Variants in MFSD2B observed in about 807,000 individuals in gnomAD.
MFSD2B encodes sphingosine-1-phosphate transporter MFSD2B.
A neutral mutation model predicts 58.4 loss-of-function variants in MFSD2B; 56 were observed. That is an observed-to-expected ratio of 0.96 (90% CI 0.77 to 1.20). MFSD2B has a LOEUF of 1.20. Ranked by LOEUF, MFSD2B falls within the 50% of genes most tolerant of loss-of-function variation. The pLI is 0.00. For synonymous variants in MFSD2B, 287 were observed against 294.4 expected, an observed-to-expected ratio of 0.97 and a Z score of 0.26; for missense variants, 645 against 667.6, an observed-to-expected ratio of 0.97 and a Z score of 0.37.
Position 24,022,530 on chromosome 2 carries a change from G to A in MFSD2B, c.978+14G>A. ...CTAACTGTCCTGGTGAGGGGGCCTG[G>A]GGTGGTGGAGGCTAGGTCACTTGGG... On this transcript the variant is annotated intron_variant, in intron 9 of 13. Transcript: ENST00000338315. This position sits in a 1 kb window ranked among gnomAD's most constrained non-coding sequence, Gnocchi z 4.5. 4 of 1,606,224 alleles carry A rather than the reference G, an allele frequency of 2.5e-6. No individual in the cohort carries two copies. The South Asian group carries it at 4.5e-5, about 18-fold the overall frequency.
intron 2 of MFSD2B, among the ~76,000 whole-genome samples, chr2:24,014,495 C>G (rs1709070914): frequency 6.6e-6 from 1 of 152,178 alleles, no homozygotes; most frequent in Admixed American, 6.5e-5. Context: ...CAGAAGTCAA[C>G]AGACTACACT....
chr2:24,023,073 G>A lies in MFSD2B; in HGVS notation c.1060-57G>A. On this transcript the variant is annotated intron_variant, in intron 10 of 13. Coordinates refer to ENST00000338315, the MANE Select transcript of MFSD2B (RefSeq NM_001346880.2). This position sits in a 1 kb window ranked among gnomAD's most constrained non-coding sequence, Gnocchi z 5.0. ...GGTCGTCAGTCGAGTCGTGTGTGAA[G>A]GAGCAGGCCCCACGAAGAAGCAGGT... 1 of 1,472,386 alleles carries A rather than the reference G, an allele frequency of 6.8e-7. No individual in the cohort carries two copies. Among genetic ancestry groups the A allele is most frequent in the Non-Finnish European group, 9.5e-7 (1 of 1,056,544 alleles). 91.2% of individuals were successfully genotyped at this position (1,472,386 alleles called of 1,614,324 possible).
chr2:24,014,621 A>C (rs1709075314), intron 2 of MFSD2B, among the ~76,000 whole-genome samples: 1 of 152,206 alleles, frequency 6.6e-6, no homozygotes, highest in Non-Finnish European at 1.5e-5. Context: ...TTTAGAGAAG[A>C]GTATATAAAA....
rs758611348 is a variant in MFSD2B at position 24,013,327 on chromosome 2, T to G, written c.139T>G (p.Tyr47Asp). ...CCTCTCATTCTGTACAAAGGTGTGC[T>G]ATGGCATTGGTGGGGTCCCCAACCA... ...GRLSFCTKVC[Y>D]GIGGVPNQIA... The change falls in exon 2 of 14, where the codon TAT becomes GAT. Residue 47 changes from tyrosine to aspartate, a missense_variant. By Grantham distance (160) the Tyr-to-Asp change is radical. Coordinates refer to ENST00000338315, the MANE Select transcript of MFSD2B (RefSeq NM_001346880.2). 2.5e-6 allele frequency: 4 copies of G among 1,612,520 alleles called. No individual in the cohort carries two copies. The highest frequency in any genetic ancestry group is 2.2e-5 in the South Asian group (2 of 90,694).
In MFSD2B at chr2:24,022,360, A is replaced by T; in HGVS notation, c.895-73A>T. The stretch of plus-strand genomic sequence containing the variant: ...TCCCAATGGAGATGCCAGACTCCAG[A>T]CCCTGTCCTTGCCCTTGACTTCTGA... On this transcript the variant is annotated intron_variant, in intron 8 of 13. Transcript: ENST00000338315. This position sits in a 1 kb window ranked among gnomAD's most constrained non-coding sequence, Gnocchi z 4.5. 4 of 1,230,346 alleles carry T rather than the reference A, an allele frequency of 3.3e-6. No homozygotes were observed. Among genetic ancestry groups the T allele is most frequent in the Non-Finnish European group, 4.7e-6 (4 of 850,412 alleles). 76.2% of individuals were successfully genotyped at this position (1,230,346 alleles called of 1,614,324 possible).
At chr2:24,018,935 C>T (rs1662644988) in intron 6 of MFSD2B, among the ~76,000 whole-genome samples, 1 of 150,092 alleles carries the variant, frequency 6.7e-6, no homozygotes, top group Admixed American at 6.7e-5. Context: ...ACTGCAACCT[C>T]CGTCTCCCGG....
intron 6 of MFSD2B, among the ~76,000 whole-genome samples, chr2:24,018,003 C>A (rs111730556): frequency 6.6e-6 from 1 of 152,166 alleles, no homozygotes; most frequent in East Asian, 1.9e-4. Context: ...GCCCCCAACC[C>A]GCAGCATGAA....
chr2:24,018,282 A>G lies in MFSD2B; in HGVS notation c.681+694A>G, dbSNP rs568293233. ...TCCAGCCACCCTGCACCCCACTGCC[A>G]TGCCCCGGCCCGTGCCACTACCTCC... On this transcript the variant is annotated intron_variant, in intron 6 of 13. Coordinates refer to ENST00000338315, the MANE Select transcript of MFSD2B (RefSeq NM_001346880.2). 1.4e-4 allele frequency: 24 copies of G among 169,226 alleles called. No individual in the cohort carries two copies. The East Asian group carries it at 2.6e-3, about 18-fold the overall frequency. The allele number at this position is 169,226 out of a possible 1,614,324, so 10.5% of individuals were successfully genotyped here. A position where few individuals can be genotyped will look rare whatever the true frequency, so the allele number is the denominator to read the frequency against.
rs143979493 is a variant in MFSD2B, at chr2:24,024,713, A to G, written c.1490+442A>G. ...TGGCACTCAGTCTCGATGAGCCTCA[A>G]TGGAACTCATCTTGTCCCCCTAACT... On this transcript the variant is annotated intron_variant, in intron 13 of 13. Coordinates refer to ENST00000338315, the MANE Select transcript of MFSD2B (RefSeq NM_001346880.2). The surrounding 1 kb of genome is among the most constrained non-coding windows in gnomAD (Gnocchi z 4.3). 1.1e-4 allele frequency among the ~76,000 whole-genome samples: 17 copies of G among 152,026 alleles called. No homozygotes were observed. Among genetic ancestry groups the G allele is most frequent in the African/African-American group, 3.4e-4 (14 of 41,490 alleles).
In MFSD2B at chr2:24,016,836, C is replaced by T. The variant is rs749983402; in HGVS notation, c.348-9C>T. 1 of 1,612,798 alleles carries T rather than the reference C, an allele frequency of 6.2e-7. No homozygotes were observed. Among genetic ancestry groups the T allele is most frequent in the South Asian group, 1.1e-5 (1 of 91,086 alleles). ...GGGGGGCCGCTCCACCTCGGCTGTG[C>T]TTCCGCAGGGTGCTGGGCTGCACCC... is the stretch of plus-strand genomic sequence containing the variant. On this transcript the variant is annotated splice_polypyrimidine_tract_variant and intron_variant, in intron 3 of 13. Coordinates refer to ENST00000338315, the MANE Select transcript of MFSD2B (RefSeq NM_001346880.2).
chr2:24,011,066 G>A (rs1708937387), intron 1 of MFSD2B, among the ~76,000 whole-genome samples: 2 of 152,218 alleles, frequency 1.3e-5, no homozygotes, highest in South Asian at 2.1e-4. Flanking sequence ...CTCTCCGAGG[G>A]GTGGCAGCCC....
rs1662836041 is a variant in MFSD2B, at chr2:24,022,627, G to C, written c.978+111G>C. 9.9e-6 allele frequency: 10 copies of C among 1,011,694 alleles called. No individual in the cohort carries two copies. The highest frequency in any genetic ancestry group is 1.3e-5 in the Non-Finnish European group (9 of 686,610). 62.7% of individuals were successfully genotyped at this position (1,011,694 alleles called of 1,614,324 possible). Reference sequence around the variant, plus strand: ...CAGAGTTCTGGTGGTCAACATTTTGGACTTTGCTTTGGTCTTGGTCACCTG... The same window carrying C: ...CAGAGTTCTGGTGGTCAACATTTTGCACTTTGCTTTGGTCTTGGTCACCTG... On this transcript the variant is annotated intron_variant, in intron 9 of 13. Coordinates refer to ENST00000338315, the MANE Select transcript of MFSD2B (RefSeq NM_001346880.2). This position sits in a 1 kb window ranked among gnomAD's most constrained non-coding sequence, Gnocchi z 4.5.
chr2:24,010,811 G>A (rs1465873058), intron 1 of MFSD2B, among the ~76,000 whole-genome samples: 2 of 152,176 alleles, frequency 1.3e-5, no homozygotes, highest in Non-Finnish European at 2.9e-5. Context: ...GAACGCGCCT[G>A]CTCCCTGCTC....
chr2:24,017,328 C>T lies in MFSD2B; in HGVS notation c.514C>T (p.Pro172Ser). The part of the protein sequence containing the change: ...PYTALTMLLT[P>S]CPRERDSATA... ...CACAGCGCTCACCATGCTGCTGACTCCCTGCCCAAGGGAGCGGGACTCGGC... is the reference window on the plus strand; with the variant it reads ...CACAGCGCTCACCATGCTGCTGACTTCCTGCCCAAGGGAGCGGGACTCGGC... The change falls in exon 5 of 14, where the codon CCC (proline) becomes TCC (serine). Residue 172 changes from proline (P) to serine (S), a missense_variant. Pro to Ser is a moderately conservative substitution (Grantham distance 74). Coordinates refer to ENST00000338315, the MANE Select transcript of MFSD2B (RefSeq NM_001346880.2). This position sits in a 1 kb window ranked among gnomAD's most constrained non-coding sequence, Gnocchi z 4.8. 2 of 1,606,796 alleles carry T rather than the reference C, an allele frequency of 1.2e-6. No individual in the cohort carries two copies. The highest frequency in any genetic ancestry group is 1.7e-6 in the Non-Finnish European group (2 of 1,177,196).
intron 6 of MFSD2B, among the ~76,000 whole-genome samples, chr2:24,018,084 C>T (rs562334133): frequency 6.6e-6 from 1 of 152,254 alleles, no homozygotes; most frequent in East Asian, 1.9e-4. Context: ...TGGGCGGACA[C>T]ACCTCTATTT....
At position 24,020,782 on chromosome 2, in the gene MFSD2B, G is replaced by A. The variant is rs1662747806; in HGVS notation, c.682-866G>A. Reference sequence around the variant, plus strand: ...GGGTTTTGCCATGTTGCCCAGGCTGGTCTTGAACTCCTGGGTTCAAGGGAT... The same window carrying A: ...GGGTTTTGCCATGTTGCCCAGGCTGATCTTGAACTCCTGGGTTCAAGGGAT... On this transcript the variant is annotated intron_variant, in intron 6 of 13. Transcript: ENST00000338315. The surrounding 1 kb of genome is among the most constrained non-coding windows in gnomAD (Gnocchi z 4.1). Among the ~76,000 whole-genome samples, 1 of 152,136 alleles carries A rather than the reference G, an allele frequency of 6.6e-6. No homozygotes were observed. Among genetic ancestry groups the A allele is most frequent in the African/African-American group, 2.4e-5 (1 of 41,422 alleles).
rs1382885449 is a variant in MFSD2B, at chr2:24,023,047, G to A, written c.1060-83G>A. The A allele has an allele frequency of 7.4e-7, 1 of 1,358,534 alleles. No individual in the cohort carries two copies. Among genetic ancestry groups the A allele is most frequent in the East Asian group, 2.3e-5 (1 of 43,778 alleles). 84.2% of individuals were successfully genotyped at this position (1,358,534 alleles called of 1,614,324 possible). A position where few individuals can be genotyped will look rare whatever the true frequency, so the allele number is the denominator to read the frequency against. ...GGGCCTAGCACAGGGCAAGGCATGGGGGTCGTCAGTCGAGTCGTGTGTGAA... is the reference window on the plus strand; with the variant it reads ...GGGCCTAGCACAGGGCAAGGCATGGAGGTCGTCAGTCGAGTCGTGTGTGAA... On this transcript the variant is annotated intron_variant, in intron 10 of 13. Coordinates refer to ENST00000338315, the MANE Select transcript of MFSD2B (RefSeq NM_001346880.2). The surrounding 1 kb of genome is among the most constrained non-coding windows in gnomAD (Gnocchi z 5.0).
chr2:24,012,179 C>A lies in MFSD2B; in HGVS notation c.97-1106C>A, dbSNP rs7572352. Among the ~76,000 whole-genome samples, 139,174 of 148,064 alleles carry A rather than the reference C, an allele frequency of 0.94. 65,367 individuals carry two copies. Among genetic ancestry groups the A allele is most frequent in the East Asian group, 0.98 (4,969 of 5,066 alleles). ...ACACACACACACACACACACACACA[C>A]AAAAACAGACAAAAAAACCCTGCAA... On this transcript the variant is annotated intron_variant, in intron 1 of 13. Coordinates refer to ENST00000338315, the MANE Select transcript of MFSD2B (RefSeq NM_001346880.2). The surrounding 1 kb of genome is among the most constrained non-coding windows in gnomAD (Gnocchi z 4.5).
Position 24,021,768 on chromosome 2 carries a change from A to C in MFSD2B, c.772+30A>C, listed in dbSNP as rs1427734670. The C allele has an allele frequency of 1.2e-6, 2 of 1,612,674 alleles. No individual in the cohort carries two copies. The highest frequency in any genetic ancestry group is 1.7e-5 in the Admixed American group (1 of 59,732). ...GGGGTTTGGTGAGGAGGGAAGCAGAAGCTGGGGGCAGGGCTCTGCTTGGGG... is the reference window on the plus strand; with the variant it reads ...GGGGTTTGGTGAGGAGGGAAGCAGACGCTGGGGGCAGGGCTCTGCTTGGGG... On this transcript the variant is annotated intron_variant, in intron 7 of 13. Transcript: ENST00000338315. The surrounding 1 kb of genome is among the most constrained non-coding windows in gnomAD (Gnocchi z 5.7).
Sources: allele counts gnomAD v4.1 joint callset (sites outside exome capture counted in the v4.1 genomes callset), GRCh38; gene constraint gnomAD v4.1.1; non-coding constraint Gnocchi (gnomAD v3.1); transcripts MANE v1.5; gene names NCBI Gene and HGNC (gene_info 2026-07-23, HGNC 2026-07-21).